The following OXR1 variants were observed in gnomAD, a reference collection of about 807,000 sequenced individuals.
OXR1 encodes oxidation resistance protein 1.
A neutral mutation model predicts 104.6 loss-of-function variants in OXR1; 41 were observed. The ratio of observed to expected loss-of-function variants is 0.39; its 90% CI spans 0.31 to 0.51. The LOEUF is 0.51. Ranked by LOEUF, OXR1 falls within the 20% of genes least tolerant of loss-of-function variation. The pLI, the probability that OXR1 is intolerant of heterozygous loss-of-function variation, is 0.77. For missense variants in OXR1, 955 were observed against 1,031.9 expected, an observed-to-expected ratio of 0.93 and a Z score of 1.02; for synonymous variants, 348 against 348.4, an observed-to-expected ratio of 1.00 and a Z score of 0.01.
intron 9 of OXR1, 72 bp downstream of exon 9, chr8:106,707,217 A>G (rs1831225804): frequency 7.0e-7 from 1 of 1,434,772 alleles, no homozygotes; most frequent in African/African-American, 1.4e-5. Context: ...CACTGACTCA[A>G]AAGCCGCTGT....
intron 3 of OXR1, among the ~76,000 whole-genome samples, chr8:106,579,974 A>G (rs1260487425): frequency 6.6e-6 from 1 of 152,116 alleles, no homozygotes; most frequent in Non-Finnish European, 1.5e-5. Flanking sequence ...TAAAATCACT[A>G]TTCATGATTT....
At chr8:106,352,498 G>T (rs114402251) in intron 1 of OXR1, among the ~76,000 whole-genome samples, 1,788 of 152,202 alleles carry the variant, frequency 0.012, 32 homozygotes, top group African/African-American at 0.04. Context: ...AATATAAACC[G>T]ATATTATATC....
intron 3 of OXR1, among the ~76,000 whole-genome samples, chr8:106,616,030 C>CTTTTTTTT (rs10718309): frequency 6.8e-5 from 5 of 73,330 alleles, no homozygotes; most frequent in African/African-American, 1.1e-4. Context: ...GAAACACCTT[C>CTTTTTTTT]TTTTTTTTTT....
At chr8:106,452,207 C>T (rs1305521826) in intron 2 of OXR1, among the ~76,000 whole-genome samples, 1 of 152,106 alleles carries the variant, frequency 6.6e-6, no homozygotes, top group Non-Finnish European at 1.5e-5. Flanking sequence ...AAACCGAACT[C>T]CACAAATATC....
At chr8:106,728,350 A>G (rs1833548825) in intron 11 of OXR1, among the ~76,000 whole-genome samples, 1 of 152,024 alleles carries the variant, frequency 6.6e-6, no homozygotes, top group South Asian at 2.1e-4. Flanking sequence ...TAATATGGCC[A>G]TATTATTACT....
At chr8:106,316,690 T>C (rs960146978) in intron 1 of OXR1, among the ~76,000 whole-genome samples, 1 of 96,540 alleles carries the variant, frequency 1.0e-5, no homozygotes, top group Non-Finnish European at 1.9e-5. Flanking sequence ...TCTCTCTTTT[T>C]TTCTATCTAT....
At position 106,747,600 on chromosome 8, in the gene OXR1, T is replaced by G. The variant is rs549333304; in HGVS notation, c.2486+1738T>G. 9.6e-4 allele frequency among the ~76,000 whole-genome samples: 146 copies of G among 152,358 alleles called. 1 individual carries two copies. The highest frequency in any genetic ancestry group is 1.6e-3 in the Non-Finnish European group (107 of 68,040). On this transcript the variant is annotated intron_variant, in intron 16 of 16. Transcript: ENST00000517566. Reference sequence around the variant, plus strand: ...CTCATATAAAAATACACTTTCTGGCTTTCTGGGTGTTTCACCTGGGACAGA... The same window carrying G: ...CTCATATAAAAATACACTTTCTGGCGTTCTGGGTGTTTCACCTGGGACAGA...
intron 3 of OXR1, among the ~76,000 whole-genome samples, chr8:106,663,309 A>C (rs1380794226): frequency 6.6e-6 from 1 of 152,246 alleles, no homozygotes; most frequent in African/African-American, 2.4e-5. Context: ...CAAGAGTTAC[A>C]GTCCTTGAGA....
intron 3 of OXR1, among the ~76,000 whole-genome samples, chr8:106,550,188 C>T (rs1901779): frequency 0.72 from 108,768 of 152,074 alleles, 39,147 homozygotes; most frequent in African/African-American, 0.78. Context: ...TGGTAATGGA[C>T]TCATCAGATG....
chr8:106,735,827 A>G (rs1834317371), intron 11 of OXR1, among the ~76,000 whole-genome samples: 1 of 152,090 alleles, frequency 6.6e-6, no homozygotes, highest in South Asian at 2.1e-4. Context: ...TTTTTATCTA[A>G]TACTGAAATA....
chr8:106,416,144 G>A (rs1196261146), intron 2 of OXR1, among the ~76,000 whole-genome samples: 1 of 152,074 alleles, frequency 6.6e-6, no homozygotes. Flanking sequence ...TATCTGAGTT[G>A]TAATGCAATT....
chr8:106,534,469 A>G (rs764688916), intron 3 of OXR1, among the ~76,000 whole-genome samples: 7 of 152,258 alleles, frequency 4.6e-5, no homozygotes, highest in Non-Finnish European at 8.8e-5. Flanking sequence ...TATAAAAGAA[A>G]TGACCACAAA....
chr8:106,676,505 T>C (rs776951), intron 3 of OXR1, among the ~76,000 whole-genome samples: 92,045 of 151,986 alleles, frequency 0.61, 28,734 homozygotes, highest in African/African-American at 0.76. Context: ...CCAGTACTCT[T>C]GGCATTTGCT....
intron 3 of OXR1, among the ~76,000 whole-genome samples, chr8:106,593,913 G>A (rs1253842627): frequency 1.3e-5 from 2 of 152,184 alleles, no homozygotes; most frequent in Non-Finnish European, 2.9e-5. Flanking sequence ...ATCCTGCCAA[G>A]CCCCCCTGCA....
intron 1 of OXR1, among the ~76,000 whole-genome samples, chr8:106,284,353 T>C (rs1161635752): frequency 6.6e-6 from 1 of 151,660 alleles, no homozygotes; most frequent in Non-Finnish European, 1.5e-5. Context: ...ATGGTCAGAG[T>C]GTCTGGGGCA....
At chr8:106,375,587 T>C (rs893092126) in intron 2 of OXR1, among the ~76,000 whole-genome samples, 2 of 152,200 alleles carry the variant, frequency 1.3e-5, no homozygotes, top group Admixed American at 1.3e-4. Context: ...AGTTGAAATA[T>C]CCACGAGACA....
At chr8:106,368,237 T>A (rs1169255783) in intron 2 of OXR1, among the ~76,000 whole-genome samples, 1 of 151,888 alleles carries the variant, frequency 6.6e-6, no homozygotes, top group Non-Finnish European at 1.5e-5. Context: ...TATAAACATA[T>A]GACAGAAAAA....
rs574507067 is a variant in OXR1, at chr8:106,400,323, T to A, written c.23+40687T>A. 6.6e-4 allele frequency among the ~76,000 whole-genome samples: 101 copies of A among 152,302 alleles called. No homozygotes were observed. The South Asian group carries it at 0.011, about 17-fold the overall frequency. On this transcript the variant is annotated intron_variant, in intron 2 of 16. Transcript: ENST00000517566. Reference sequence around the variant, plus strand: ...TCACCACCAAGCAGTGCATAGTAGATGCTCAAAAGTATTTTTTGTTAAATG... The same window carrying A: ...TCACCACCAAGCAGTGCATAGTAGAAGCTCAAAAGTATTTTTTGTTAAATG...
At chr8:106,528,620 A>G (rs1813865121) in intron 3 of OXR1, among the ~76,000 whole-genome samples, 1 of 152,228 alleles carries the variant, frequency 6.6e-6, no homozygotes, top group Admixed American at 6.5e-5. Flanking sequence ...GCAGTACACC[A>G]GACACTTTAA....
Sources: allele counts gnomAD v4.1 joint callset (sites outside exome capture counted in the v4.1 genomes callset), GRCh38; gene constraint gnomAD v4.1.1; transcripts MANE v1.5; gene names NCBI Gene and HGNC (gene_info 2026-07-23, HGNC 2026-07-21).